Variants in VWA8 observed in about 807,000 individuals in gnomAD.
VWA8 encodes von Willebrand factor A domain-containing protein 8.
Under a neutral mutation model 241.5 loss-of-function variants are expected in VWA8, and 221 were observed. The ratio of observed to expected loss-of-function variants is 0.91; its 90% CI spans 0.82 to 1.02. The LOEUF is 1.02. Ranked by LOEUF, VWA8 falls within the 50% of genes least tolerant of loss-of-function variation. The pLI, the probability that VWA8 is intolerant of heterozygous loss-of-function variation, is 0.00. For synonymous variants in VWA8, 852 were observed against 827.1 expected (o/e 1.03, Z -0.52); for missense variants, 2,322 against 2,328.7 (o/e 1.00, Z 0.06).
At chr13:41,865,035 T>C (rs1340866649) in intron 12 of VWA8, among the ~76,000 whole-genome samples, 1 of 150,406 alleles carries the variant, frequency 6.6e-6, no homozygotes, top group South Asian at 2.1e-4. Flanking sequence ...CTTTATGTTA[T>C]ATATATTTTG....
Position 41,894,733 on chromosome 13 carries a change from T to C in VWA8, c.484-3146A>G, listed in dbSNP as rs114226104. On this transcript the variant is annotated intron_variant, in intron 4 of 44. Coordinates refer to ENST00000379310, the MANE Select transcript of VWA8 (RefSeq NM_015058.2). ...TGGAGAAACCTAGCAGATACCACCTTAATTAACCAAGTGATCAAAGTCAAT... is the reference window on the plus strand; with the variant it reads ...TGGAGAAACCTAGCAGATACCACCTCAATTAACCAAGTGATCAAAGTCAAT... Among the ~76,000 whole-genome samples the C allele has an allele frequency of 1.7e-3, 258 of 152,324 alleles. 2 individuals are homozygous for C. Among genetic ancestry groups the C allele is most frequent in the African/African-American group, 5.7e-3 (237 of 41,576 alleles).
chr13:41,590,512 T>G (rs1593635536), intron 41 of VWA8, 128 bp downstream of exon 41: 2 of 1,014,952 alleles, frequency 2.0e-6, no homozygotes, highest in East Asian at 5.3e-5. Context: ...TTTTTTTTTT[T>G]TAACATAATG....
intron 2 of VWA8, among the ~76,000 whole-genome samples, chr13:41,923,933 A>C (rs1876692894): frequency 6.6e-6 from 1 of 152,138 alleles, no homozygotes; most frequent in Non-Finnish European, 1.5e-5. Flanking sequence ...GGAAGAGGTG[A>C]CTGCTCTATC....
chr13:41,673,585 GA>G (rs922943076), intron 36 of VWA8, among the ~76,000 whole-genome samples: 8 of 151,812 alleles, frequency 5.3e-5, no homozygotes, highest in Admixed American at 2.6e-4. Flanking sequence ...GAGACTTAGG[GA>G]AAAAAAGGAA....
intron 37 of VWA8, among the ~76,000 whole-genome samples, chr13:41,655,896 G>C (rs2044901469): frequency 6.6e-6 from 1 of 152,174 alleles, no homozygotes. Flanking sequence ...CTTAAAGTAT[G>C]TTCCTGTTTT....
chr13:41,674,677 A>G (rs1329708935), intron 36 of VWA8, among the ~76,000 whole-genome samples: 1 of 152,154 alleles, frequency 6.6e-6, no homozygotes, highest in Non-Finnish European at 1.5e-5. Context: ...TCCTCAGTTT[A>G]CCTAGTTTAA....
chr13:41,708,416 T>G (rs1473947245), intron 26 of VWA8, among the ~76,000 whole-genome samples: 2 of 152,096 alleles, frequency 1.3e-5, no homozygotes, highest in Admixed American at 6.6e-5. Context: ...TAAAGAGAGA[T>G]AATACAAATG....
At chr13:41,771,825 G>A (rs57187434) in intron 20 of VWA8, among the ~76,000 whole-genome samples, 288 of 148,976 alleles carry the variant, frequency 1.9e-3, no homozygotes, top group African/African-American at 6.8e-3. Context: ...CAAGCAATCC[G>A]CCCACCTTGG....
At chr13:41,959,606 C>CTTTTTTTTTTTTTTTTTTTTT (rs1168629617) in intron 1 of VWA8, among the ~76,000 whole-genome samples, 1 of 79,648 alleles carries the variant, frequency 1.3e-5, no homozygotes, top group Non-Finnish European at 2.3e-5. Flanking sequence ...CCTAAATATG[C>CTTTTTTTTTTTTTTTTTTTTT]TTTTTTTTTT....
intron 38 of VWA8, among the ~76,000 whole-genome samples, chr13:41,613,775 G>A (rs190143710): frequency 1.3e-5 from 2 of 152,284 alleles, no homozygotes; most frequent in South Asian, 2.1e-4. Context: ...GGCAAGGGAG[G>A]AGCATTGATG....
chr13:41,858,913 TATAAA>T (rs1258898404), intron 12 of VWA8, among the ~76,000 whole-genome samples: 3 of 151,858 alleles, frequency 2.0e-5, no homozygotes, highest in Non-Finnish European at 4.4e-5. Context: ...TACAGACTCA[TATAAA>T]AAATCAGCCC....
intron 37 of VWA8, among the ~76,000 whole-genome samples, chr13:41,627,921 A>G (rs2044703336): frequency 6.6e-6 from 1 of 152,200 alleles, no homozygotes; most frequent in Non-Finnish European, 1.5e-5. Flanking sequence ...GAGATGATGC[A>G]GGAAAATAGA....
At chr13:41,889,681 T>A (rs1446430715) in intron 5 of VWA8, among the ~76,000 whole-genome samples, 1 of 152,160 alleles carries the variant, frequency 6.6e-6, no homozygotes, top group East Asian at 1.9e-4. Flanking sequence ...ACCCAGCCAC[T>A]AAACCTCTTT....
intron 18 of VWA8, 48 bp from the exon 19 acceptor site, chr13:41,783,949 G>T: frequency 6.9e-7 from 1 of 1,447,438 alleles, no homozygotes; most frequent in South Asian, 1.2e-5. Flanking sequence ...ACTGTCCTCA[G>T]AGATGCCAAG....
chr13:41,855,320 TTA>T (rs902320562), intron 12 of VWA8, among the ~76,000 whole-genome samples: 4 of 145,284 alleles, frequency 2.8e-5, no homozygotes, highest in Non-Finnish European at 4.5e-5. Context: ...ATATATTTAT[TTA>T]TATATATATA....
At chr13:41,862,923 A>G (rs1873069644) in intron 12 of VWA8, among the ~76,000 whole-genome samples, 2 of 152,112 alleles carry the variant, frequency 1.3e-5, no homozygotes, top group Admixed American at 1.3e-4. Context: ...TCCCCTTACT[A>G]AGTATATACT....
At chr13:41,893,922 T>C (rs781250187) in intron 4 of VWA8, among the ~76,000 whole-genome samples, 1 of 152,190 alleles carries the variant, frequency 6.6e-6, no homozygotes, top group African/African-American at 2.4e-5. Context: ...AAGGTTTCAA[T>C]TAAGCTTTTG....
At chr13:41,713,166 C>T (rs2045328778) in intron 26 of VWA8, among the ~76,000 whole-genome samples, 1 of 152,168 alleles carries the variant, frequency 6.6e-6, no homozygotes, top group Non-Finnish European at 1.5e-5. Flanking sequence ...TTCTAAGAAA[C>T]AGCAATTTCA....
At chr13:41,833,247 A>G in intron 13 of VWA8, 124 bp downstream of exon 13, 2 of 1,156,704 alleles carry the variant, frequency 1.7e-6, no homozygotes, top group Admixed American at 7.5e-5. Context: ...GTATAGAATC[A>G]TGATTTTTCA....
Sources: gnomAD v4.1 joint callset for allele counts (sites outside exome capture counted in the v4.1 genomes callset) on GRCh38, gnomAD v4.1.1 for gene constraint, MANE v1.5 for transcripts, NCBI Gene and HGNC (gene_info 2026-07-23, HGNC 2026-07-21) for gene names.